Variants in ENOX2 observed in about 807,000 individuals in gnomAD.
ENOX2 encodes APK1 antigen.
A neutral mutation model predicts 45.0 loss-of-function variants in ENOX2; 36 were observed. The observed-to-expected ratio is 0.80, with a 90% CI of 0.61 to 1.06. The LOEUF is 1.06. ENOX2 is among the 50% of genes least tolerant of loss of function. ENOX2 has a pLI of 0.00. For missense variants in ENOX2, 423 were observed against 462.5 expected, an observed-to-expected ratio of 0.91 and a Z score of 0.78; for synonymous variants, 174 against 152.3, an observed-to-expected ratio of 1.14 and a Z score of -1.05.
intron 2 of ENOX2, among the ~76,000 whole-genome samples, chrX:130,786,360 C>A (rs1259471560): frequency 9.0e-6 from 1 of 111,303 alleles, no homozygotes; most frequent in East Asian, 2.8e-4. Flanking sequence ...TTAGGAGGTT[C>A]TGATTAATGA....
At chrX:130,661,868 T>C (rs750957338) in intron 9 of ENOX2, among the ~76,000 whole-genome samples, 2 of 112,254 alleles carry the variant, frequency 1.8e-5, no homozygotes, top group African/African-American at 6.5e-5. Flanking sequence ...AATCACAGTA[T>C]TTCATTTTAC....
chrX:130,859,925 A>G (rs1265773932), intron 2 of ENOX2, among the ~76,000 whole-genome samples: 1 of 109,787 alleles, frequency 9.1e-6, no homozygotes, highest in Non-Finnish European at 1.9e-5. Context: ...ATTCTTTCTC[A>G]GTTTTCTTTG....
At chrX:130,772,548 T>C (rs781212937) in intron 3 of ENOX2, among the ~76,000 whole-genome samples, 3 of 111,959 alleles carry the variant, frequency 2.7e-5, no homozygotes, top group Non-Finnish European at 5.6e-5. Flanking sequence ...ATTCAGCACT[T>C]AGTGTTCATC....
chrX:130,658,970 T>A (rs936798486), intron 9 of ENOX2, among the ~76,000 whole-genome samples: 1 of 111,856 alleles, frequency 8.9e-6, no homozygotes, highest in Non-Finnish European at 1.9e-5. Context: ...ATGATTAAGA[T>A]CCCATGATAA....
At position 130,690,801 on chromosome X, in the gene ENOX2, T is replaced by C. The variant is rs183867686; in HGVS notation, c.98-1783A>G. On this transcript the variant is annotated intron_variant, in intron 4 of 14. Transcript: ENST00000394363. Reference sequence around the variant, plus strand: ...TGACAGGCACAATAAGAGGGAGATCTGGAGCTGGGCAGGCAGATGGCACAT... The same window carrying C: ...TGACAGGCACAATAAGAGGGAGATCCGGAGCTGGGCAGGCAGATGGCACAT... Among the ~76,000 whole-genome samples the C allele has an allele frequency of 3.2e-3, 354 of 110,990 alleles. 1 individual carries two copies. Among genetic ancestry groups the C allele is most frequent in the Middle Eastern group, 0.014 (3 of 217 alleles).
At chrX:130,733,150 TA>T (rs1341723059) in intron 3 of ENOX2, among the ~76,000 whole-genome samples, 8 of 111,855 alleles carry the variant, frequency 7.2e-5, no homozygotes. Context: ...CTAAAATATA[TA>T]AGGAACTCCT....
intron 10 of ENOX2, chrX:130,645,593 T>A (rs2036207133): frequency 3.1e-6 from 1 of 320,736 alleles, no homozygotes; most frequent in African/African-American, 2.6e-5. Context: ...ATTTTTAAAA[T>A]GGATCAAAGC....
At chrX:130,728,538 G>C (rs1346482239) in intron 3 of ENOX2, among the ~76,000 whole-genome samples, 1 of 111,504 alleles carries the variant, frequency 9.0e-6, no homozygotes, top group African/African-American at 3.3e-5. Context: ...TCTAGGTGTA[G>C]GGGCTGCTCC....
At chrX:130,811,478 G>A (rs1247119467) in intron 2 of ENOX2, among the ~76,000 whole-genome samples, 1 of 112,485 alleles carries the variant, frequency 8.9e-6, no homozygotes, top group African/African-American at 3.2e-5. Context: ...CAGGCACCAG[G>A]CCAGCCTGCT....
rs780325863 is a variant in ENOX2 at position 130,624,959 on chromosome X, T to C, written c.*355A>G. On this transcript the variant is annotated 3_prime_UTR_variant, in exon 15 of 15. Transcript: ENST00000394363. ...AGAAACACAAATCACATACAAATCA[T>C]CAAAACATTTCAGTTAACAGTGTTT... 3.0e-5 allele frequency: 4 copies of C among 134,012 alleles called. No homozygotes were observed. In the East Asian group the frequency reaches 9.3e-4, roughly 31 times the overall value. The allele number at this position is 134,012 out of a possible 1,213,427, so 11.0% of individuals were successfully genotyped here. A position where few individuals can be genotyped will look rare whatever the true frequency, so the allele number is the denominator to read the frequency against.
chrX:130,673,075 C>T (rs2037032229), intron 6 of ENOX2, among the ~76,000 whole-genome samples: 1 of 112,178 alleles, frequency 8.9e-6, no homozygotes, highest in Non-Finnish European at 1.9e-5. Flanking sequence ...TAGGCGCCAC[C>T]TACTCACCAG....
intron 12 of ENOX2, among the ~76,000 whole-genome samples, chrX:130,634,159 T>C (rs2035864001): frequency 8.9e-6 from 1 of 112,197 alleles, no homozygotes; most frequent in Non-Finnish European, 1.9e-5. Context: ...GAATATGCTC[T>C]TGAGGAACTG....
At chrX:130,844,381 C>T (rs1270728897) in intron 2 of ENOX2, among the ~76,000 whole-genome samples, 1 of 110,361 alleles carries the variant, frequency 9.1e-6, no homozygotes, top group Admixed American at 9.7e-5. Flanking sequence ...GTGCATGTAT[C>T]GTGTTCATGA....
At chrX:130,692,577 TC>T (rs2037632715) in intron 4 of ENOX2, among the ~76,000 whole-genome samples, 1 of 107,597 alleles carries the variant, frequency 9.3e-6, no homozygotes, top group African/African-American at 3.4e-5. Context: ...ATTATCTCTC[TC>T]TGTTTTTTTT....
intron 13 of ENOX2, among the ~76,000 whole-genome samples, chrX:130,630,606 C>T (rs367627724): frequency 1.1e-4 from 12 of 111,683 alleles, no homozygotes; most frequent in African/African-American, 3.9e-4. Flanking sequence ...TTGCTCTATA[C>T]ACCTCTTCCA....
Position 130,748,305 on chromosome X carries a change from T to C in ENOX2, c.-39+35242A>G, listed in dbSNP as rs190158174. 3.1e-3 allele frequency among the ~76,000 whole-genome samples: 345 copies of C among 112,261 alleles called. 1 individual carries two copies. Among genetic ancestry groups the C allele is most frequent in the Middle Eastern group, 0.023 (5 of 218 alleles). ...TTTCTTCACAACCACTGTAGGAGTC[T>C]TATTACCTTCCCCACTACACAGAAA... On this transcript the variant is annotated intron_variant, in intron 3 of 14. Transcript: ENST00000394363.
At chrX:130,780,380 T>C (rs1490522070) in intron 3 of ENOX2, among the ~76,000 whole-genome samples, 2 of 111,878 alleles carry the variant, frequency 1.8e-5, no homozygotes, top group Admixed American at 9.5e-5. Flanking sequence ...TAGTTAGAAA[T>C]AGACTTTGGA....
chrX:130,853,543 A>G (rs2078258181), intron 2 of ENOX2, among the ~76,000 whole-genome samples: 1 of 109,388 alleles, frequency 9.1e-6, no homozygotes, highest in Non-Finnish European at 1.9e-5. Flanking sequence ...ACAGCAAGAC[A>G]GAAAACTTAA....
chrX:130,657,699 C>T (rs73635934), intron 9 of ENOX2, among the ~76,000 whole-genome samples: 9 of 112,189 alleles, frequency 8.0e-5, no homozygotes, highest in East Asian at 2.8e-4. Context: ...TTGACCGTTA[C>T]GACAAACGAA....
Sources: allele counts gnomAD v4.1 joint callset (sites outside exome capture counted in the v4.1 genomes callset), GRCh38; gene constraint gnomAD v4.1.1; transcripts MANE v1.5; gene names NCBI Gene and HGNC (gene_info 2026-07-23, HGNC 2026-07-21).